LYPD6: variants seen among roughly 807,000 people sequenced by gnomAD.
The protein encoded by LYPD6 is ly6/PLAUR domain-containing protein 6.
Under a neutral mutation model 22.7 loss-of-function variants are expected in LYPD6, and 15 were observed. The observed-to-expected ratio is 0.66, with a 90% CI of 0.44 to 1.02. The LOEUF (loss-of-function observed/expected upper bound fraction) is 1.02, where lower values mean the gene tolerates loss of function less well. Among genes scored for constraint, LYPD6 ranks in the 50% least tolerant of loss-of-function variants. LYPD6 has a pLI of 0.00. For synonymous variants in LYPD6, 72 were observed against 77.5 expected, an observed-to-expected ratio of 0.93 and a Z score of 0.37; for missense variants, 189 against 208.4, an observed-to-expected ratio of 0.91 and a Z score of 0.57.
intron 3 of LYPD6, among the ~76,000 whole-genome samples, chr2:149,461,496 C>G (rs1181334770): frequency 2.0e-5 from 3 of 151,736 alleles, no homozygotes; most frequent in Non-Finnish European, 4.4e-5. Context: ...ATAAAATCTT[C>G]CAGAAAATGG....
intron 1 of LYPD6, among the ~76,000 whole-genome samples, chr2:149,403,243 C>G (rs1040068393): frequency 6.6e-6 from 1 of 151,778 alleles, no homozygotes; most frequent in African/African-American, 2.4e-5. Flanking sequence ...TGGGTATATA[C>G]CCAGTAATGG....
intron 1 of LYPD6, among the ~76,000 whole-genome samples, chr2:149,423,097 A>G (rs1683115051): frequency 1.3e-5 from 2 of 152,140 alleles, no homozygotes; most frequent in Admixed American, 1.3e-4. Flanking sequence ...CAACACCAAG[A>G]CAGATAACCA....
rs146484902 is a variant in LYPD6 at position 149,455,727 on chromosome 2, C to T, written c.217+6580C>T. ...TGATGGTCTGCCTTATCACTTTTAT[C>T]CTGACCACTGTTCACCATAAAGTCC... On this transcript the variant is annotated intron_variant, in intron 3 of 4. Coordinates refer to ENST00000334166, the MANE Select transcript of LYPD6 (RefSeq NM_194317.5). Among the ~76,000 whole-genome samples the T allele has an allele frequency of 4.9e-3, 748 of 152,292 alleles. 10 individuals are homozygous for T. The highest frequency in any genetic ancestry group is 0.017 in the African/African-American group (713 of 41,584).
chr2:149,373,649 C>G (rs1438583812), intron 1 of LYPD6, among the ~76,000 whole-genome samples: 1 of 152,094 alleles, frequency 6.6e-6, no homozygotes, highest in Non-Finnish European at 1.5e-5. Flanking sequence ...CTGAAATCCT[C>G]ACTTGGATTT....
At chr2:149,410,183 T>G (rs1370744907) in intron 1 of LYPD6, among the ~76,000 whole-genome samples, 1 of 152,188 alleles carries the variant, frequency 6.6e-6, no homozygotes, top group Non-Finnish European at 1.5e-5. Context: ...AATTTAGGGG[T>G]CTCAGAGTAC....
chr2:149,442,101 G>T (rs1432166571), intron 2 of LYPD6, among the ~76,000 whole-genome samples: 1 of 152,154 alleles, frequency 6.6e-6, no homozygotes, highest in Non-Finnish European at 1.5e-5. Context: ...ATATTTTGTT[G>T]CCAAGTGGAC....
At chr2:149,425,718 G>A (rs1257589209) in intron 1 of LYPD6, among the ~76,000 whole-genome samples, 1 of 152,200 alleles carries the variant, frequency 6.6e-6, no homozygotes, top group Non-Finnish European at 1.5e-5. Context: ...GCATTAAAAG[G>A]AAGAATTCCT....
downstream of LYPD6, among the ~76,000 whole-genome samples, chr2:149,475,138 A>G (rs1444335509): frequency 6.6e-6 from 1 of 152,224 alleles, no homozygotes; most frequent in Non-Finnish European, 1.5e-5. Flanking sequence ...GAGCTCTATA[A>G]AAGTTAGAAG....
chr2:149,338,917 G>T (rs1681107801), intron 1 of LYPD6, among the ~76,000 whole-genome samples: 1 of 152,064 alleles, frequency 6.6e-6, no homozygotes, highest in Non-Finnish European at 1.5e-5. Context: ...CATAAAATCT[G>T]GTATATATGT....
intron 3 of LYPD6, among the ~76,000 whole-genome samples, chr2:149,462,422 T>C (rs193244159): frequency 1.4e-3 from 216 of 151,894 alleles, no homozygotes; most frequent in African/African-American, 4.9e-3. Context: ...AAAATAAAAT[T>C]TAAATAAATG....
intron 1 of LYPD6, among the ~76,000 whole-genome samples, chr2:149,386,409 A>G (rs764731429): frequency 6.6e-6 from 1 of 152,160 alleles, no homozygotes; most frequent in Non-Finnish European, 1.5e-5. Flanking sequence ...CTCTTACCTC[A>G]GCTGCTAGAA....
rs773270846 is a variant in LYPD6, at chr2:149,449,110, G to A, written c.180G>A (p.Glu60=). The A allele has an allele frequency of 3.9e-5, 63 of 1,613,420 alleles. No homozygotes were observed. Among genetic ancestry groups the A allele is most frequent in the Non-Finnish European group, 4.9e-5 (58 of 1,179,742 alleles). Residue 60 remains glutamate (E), a synonymous_variant, in exon 3 of 5, where the codon GAG becomes GAA. Transcript: ENST00000334166. ...FTCEKAADNY[E]CNRWAPDIYC... is the part of the protein sequence containing the mutation. Reference sequence around the variant, plus strand: ...GTGAAAAGGCAGCAGACAATTATGAGTGCAACCGATGGGCTCCAGACATCT... The same window carrying A: ...GTGAAAAGGCAGCAGACAATTATGAATGCAACCGATGGGCTCCAGACATCT...
chr2:149,339,951 G>A (rs1681128209), intron 1 of LYPD6, among the ~76,000 whole-genome samples: 1 of 152,066 alleles, frequency 6.6e-6, no homozygotes, highest in South Asian at 2.1e-4. Context: ...TCACCTAACC[G>A]AATGAATTCA....
chr2:149,378,937 T>A (rs1191365303), intron 1 of LYPD6, among the ~76,000 whole-genome samples: 2 of 152,232 alleles, frequency 1.3e-5, no homozygotes, highest in Non-Finnish European at 2.9e-5. Flanking sequence ...AAGTACTGGT[T>A]GTCAAATGTC....
the LYPD6 span, among the ~76,000 whole-genome samples, chr2:149,480,161 C>G: frequency 6.6e-6 from 1 of 152,136 alleles, no homozygotes; most frequent in Non-Finnish European, 1.5e-5. Context: ...AGGCATGCAC[C>G]ACCACATCTG....
chr2:149,399,583 A>C (rs928123282), intron 1 of LYPD6, among the ~76,000 whole-genome samples: 83 of 152,128 alleles, frequency 5.5e-4, no homozygotes, highest in African/African-American at 1.9e-3. Flanking sequence ...TATGGGATAT[A>C]GGGACCATTG....
At chr2:149,413,951 A>G (rs953133814) in intron 1 of LYPD6, among the ~76,000 whole-genome samples, 1 of 152,262 alleles carries the variant, frequency 6.6e-6, no homozygotes, top group Non-Finnish European at 1.5e-5. Context: ...GAAAATGTGC[A>G]TAAGTTAGGG....
chr2:149,399,364 C>T (rs1682501307), intron 1 of LYPD6, among the ~76,000 whole-genome samples: 1 of 152,140 alleles, frequency 6.6e-6, no homozygotes, highest in Non-Finnish European at 1.5e-5. Context: ...TTCATAGTAC[C>T]ACCACTAGAG....
chr2:149,332,051 CA>C (rs1680949117), intron 1 of LYPD6, among the ~76,000 whole-genome samples: 1 of 152,200 alleles, frequency 6.6e-6, no homozygotes, highest in African/African-American at 2.4e-5. Flanking sequence ...ACCAAGTTTG[CA>C]AAAGGTATTT....
Sources: gnomAD v4.1 joint callset for allele counts (sites outside exome capture counted in the v4.1 genomes callset) on GRCh38, gnomAD v4.1.1 for gene constraint, MANE v1.5 for transcripts, NCBI Gene and HGNC (gene_info 2026-07-23, HGNC 2026-07-21) for gene names.